HACE1: variants seen among roughly 807,000 people sequenced by gnomAD.
HACE1 encodes E3 ubiquitin-protein ligase HACE1.
A neutral mutation model predicts 118.4 loss-of-function variants in HACE1; 73 were observed. The ratio of observed to expected loss-of-function variants is 0.62; its 90% CI spans 0.51 to 0.75. The LOEUF is 0.75. Among genes scored for constraint, HACE1 ranks in the 30% least tolerant of loss-of-function variants. The pLI is 0.00. For synonymous variants in HACE1, 368 were observed against 374.8 expected, an observed-to-expected ratio of 0.98 and a Z score of 0.21; for missense variants, 749 against 1,102.2, an observed-to-expected ratio of 0.68 and a Z score of 4.54.
chr6:104,840,734 C>G (rs576587607), intron 5 of HACE1, among the ~76,000 whole-genome samples: 1 of 152,008 alleles, frequency 6.6e-6, no homozygotes, highest in Non-Finnish European at 1.5e-5. Flanking sequence ...GAGGCCAAGG[C>G]GGGCAGATCA....
intron 14 of HACE1, among the ~76,000 whole-genome samples, chr6:104,779,849 C>T (rs925948067): frequency 2.0e-5 from 3 of 151,870 alleles, no homozygotes; most frequent in African/African-American, 7.2e-5. Context: ...AAATAAAGAA[C>T]ATAATTATGA....
intron 11 of HACE1, among the ~76,000 whole-genome samples, chr6:104,789,839 T>C (rs1782827181): frequency 6.6e-6 from 1 of 152,112 alleles, no homozygotes; most frequent in Non-Finnish European, 1.5e-5. Flanking sequence ...ACTAACAAAG[T>C]GAGCCACGCC....
rs138689202 is a variant in HACE1 at position 104,821,336 on chromosome 6, T to C, written c.535-9943A>G. Among the ~76,000 whole-genome samples, 37 of 151,702 alleles carry C rather than the reference T, an allele frequency of 2.4e-4. 1 individual carries two copies. The East Asian group carries it at 7.0e-3, about 29-fold the overall frequency. On this transcript the variant is annotated intron_variant, in intron 6 of 23. Coordinates refer to ENST00000262903, the MANE Select transcript of HACE1 (RefSeq NM_020771.4). ...TGTATTTGTACCCCTGAACTCAAAA[T>C]AAAAGTTAAAAAAAAAGAAATTATA...
intron 7 of HACE1, among the ~76,000 whole-genome samples, chr6:104,807,297 C>G (rs1221564183): frequency 6.6e-6 from 1 of 152,156 alleles, no homozygotes; most frequent in Non-Finnish European, 1.5e-5. Flanking sequence ...GCTGGGATTA[C>G]AGGTGTGAGC....
At chr6:104,840,977 T>G (rs1263170362) in intron 5 of HACE1, among the ~76,000 whole-genome samples, 1 of 150,956 alleles carries the variant, frequency 6.6e-6, no homozygotes, top group Non-Finnish European at 1.5e-5. Context: ...AAATATTAGC[T>G]GGGCATGGTA....
chr6:104,851,243 C>A (rs1266831262), intron 2 of HACE1, among the ~76,000 whole-genome samples: 1 of 152,134 alleles, frequency 6.6e-6, no homozygotes, highest in African/African-American at 2.4e-5. Context: ...GCCACTACAC[C>A]CGGCTAATTT....
chr6:104,789,033 G>C (rs1186896716), intron 11 of HACE1, among the ~76,000 whole-genome samples: 1 of 152,032 alleles, frequency 6.6e-6, no homozygotes, highest in Non-Finnish European at 1.5e-5. Context: ...ACAAAATGTG[G>C]TAAGAATTAA....
chr6:104,829,819 G>A (rs1027614472), intron 6 of HACE1, among the ~76,000 whole-genome samples: 1 of 152,118 alleles, frequency 6.6e-6, no homozygotes, highest in Non-Finnish European at 1.5e-5. Flanking sequence ...TAAATCTTCT[G>A]AGAATACAAT....
intron 19 of HACE1, among the ~76,000 whole-genome samples, chr6:104,765,094 T>C (rs1453219850): frequency 6.6e-6 from 1 of 152,236 alleles, no homozygotes; most frequent in Non-Finnish European, 1.5e-5. Flanking sequence ...TTCAGTCACA[T>C]GGCTGAATTA....
intron 5 of HACE1, among the ~76,000 whole-genome samples, chr6:104,837,679 CTT>C (rs1774680893): frequency 6.6e-6 from 1 of 152,138 alleles, no homozygotes. Flanking sequence ...AAAAGACCCT[CTT>C]AACACCACTA....
At chr6:104,750,544 C>A in intron 19 of HACE1, 72 bp from the exon 20 acceptor site, 1 of 1,346,494 alleles carries the variant, frequency 7.4e-7, no homozygotes, top group South Asian at 1.3e-5. Context: ...ATAATTATTT[C>A]TTATTTAAGA....
At chr6:104,746,991 G>A (rs913725914) in intron 20 of HACE1, among the ~76,000 whole-genome samples, 7 of 151,596 alleles carry the variant, frequency 4.6e-5, no homozygotes, top group Non-Finnish European at 8.8e-5. Context: ...TAATTGTTAC[G>A]ATTTTTTTTC....
At chr6:104,778,971 G>A (rs1431070506) in intron 14 of HACE1, among the ~76,000 whole-genome samples, 1 of 152,148 alleles carries the variant, frequency 6.6e-6, no homozygotes, top group Non-Finnish European at 1.5e-5. Flanking sequence ...AAGATATAGT[G>A]GGGTGTAACT....
At chr6:104,753,063 T>C (rs1323715729) in intron 19 of HACE1, among the ~76,000 whole-genome samples, 1 of 152,224 alleles carries the variant, frequency 6.6e-6, no homozygotes, top group Non-Finnish European at 1.5e-5. Context: ...GCTTCTAAAA[T>C]GTTTCCCTGC....
intron 4 of HACE1, among the ~76,000 whole-genome samples, chr6:104,846,618 T>C (rs1263946286): frequency 2.0e-5 from 3 of 152,274 alleles, no homozygotes; most frequent in East Asian, 1.9e-4. Context: ...AAGAGAAATA[T>C]AGCAGCCATC....
chr6:104,748,265 G>C (rs927510563), intron 20 of HACE1, among the ~76,000 whole-genome samples: 3 of 150,356 alleles, frequency 2.0e-5, no homozygotes, highest in African/African-American at 7.4e-5. Flanking sequence ...AAACACAATA[G>C]AAAAGTGGGC....
At chr6:104,826,642 G>A (rs1773361377) in intron 6 of HACE1, among the ~76,000 whole-genome samples, 1 of 152,112 alleles carries the variant, frequency 6.6e-6, no homozygotes, top group South Asian at 2.1e-4. Context: ...TTTACTAAAT[G>A]CAAACACGTA....
At position 104,730,336 on chromosome 6, in the gene HACE1, T is replaced by C; in HGVS notation, c.2594A>G (p.Tyr865Cys). 1 of 1,585,698 alleles carries C rather than the reference T, an allele frequency of 6.3e-7. No homozygotes were observed. Among genetic ancestry groups the C allele is most frequent in the Non-Finnish European group, 8.7e-7 (1 of 1,153,992 alleles). Reference sequence around the variant, plus strand: ...TGAAGTTGGTAAAAGATTTGGAGTATATGGCACAGCAGCGATTGTAAAGTT... The same window carrying C: ...TGAAGTTGGTAAAAGATTTGGAGTACATGGCACAGCAGCGATTGTAAAGTT... Reference protein sequence around the residue: ...LQNFTIAAVPYTPNLLPTSST... With the variant: ...LQNFTIAAVPCTPNLLPTSST... Residue 865 changes from tyrosine to cysteine, a missense_variant, in exon 23 of 24, where the codon TAT becomes TGT. By Grantham distance (194) the Tyr-to-Cys change is radical. Transcript: ENST00000262903.
intron 1 of HACE1, chr6:104,859,320 T>C: frequency 4.1e-6 from 2 of 485,096 alleles, no homozygotes; most frequent in Non-Finnish European, 7.3e-6. Context: ...GAGACCTTTG[T>C]CTCGCTCCTC....
Sources: allele counts gnomAD v4.1 joint callset (sites outside exome capture counted in the v4.1 genomes callset), GRCh38; gene constraint gnomAD v4.1.1; transcripts MANE v1.5; gene names NCBI Gene and HGNC (gene_info 2026-07-23, HGNC 2026-07-21).